Variants in ABCA1 observed in about 807,000 individuals in gnomAD.
ABCA1 encodes ATP binding cassette subfamily A member 1.
ABCA1 carries 133 observed loss-of-function variants against 262.5 expected under a neutral mutation model. The ratio of observed to expected loss-of-function variants is 0.51; its 90% CI spans 0.44 to 0.59. ABCA1 has a LOEUF of 0.59. Among genes scored for constraint, ABCA1 ranks in the 20% least tolerant of loss-of-function variants. The pLI is 0.00. For synonymous variants in ABCA1, 1,022 were observed against 1,043.5 expected, an observed-to-expected ratio of 0.98 and a Z score of 0.40; for missense variants, 2,452 against 2,777.5, an observed-to-expected ratio of 0.88 and a Z score of 2.63.
intron 1 of ABCA1, among the ~76,000 whole-genome samples, chr9:104,913,958 C>T (rs1251553257): frequency 2.7e-5 from 2 of 74,516 alleles, no homozygotes; most frequent in Non-Finnish European, 6.4e-5. Flanking sequence ...TGCCAACACG[C>T]CCGGCTAATT....
At chr9:104,890,034 G>C (rs969775732) in intron 2 of ABCA1, among the ~76,000 whole-genome samples, 1 of 152,168 alleles carries the variant, frequency 6.6e-6, no homozygotes, top group Non-Finnish European at 1.5e-5. Flanking sequence ...GGACAAGATG[G>C]AAATCACTAG....
Position 104,832,679 on chromosome 9 carries a change from G to C in ABCA1, c.1404C>G (p.Ala468=). The C allele has an allele frequency of 3.7e-6, 6 of 1,614,142 alleles. No individual in the cohort carries two copies. The highest frequency in any genetic ancestry group is 5.1e-6 in the Non-Finnish European group (6 of 1,180,024). ...TGGACTGGACATCCTCTGGGTGCTT[G>C]GCCAAAAACGCCACGATGTCTTGGG... ...WTAQDIVAFL[A]KHPEDVQSSN... is the part of the protein sequence containing the mutation. The change falls in exon 12 of 50, where the codon GCC becomes GCG. Residue 468 remains alanine (A), a synonymous_variant. Transcript: ENST00000374736.
intron 1 of ABCA1, among the ~76,000 whole-genome samples, chr9:104,926,460 ACC>A (rs1564312219): frequency 8.1e-6 from 1 of 122,768 alleles, no homozygotes; most frequent in African/African-American, 3.0e-5. Flanking sequence ...AAAAAAAAAA[ACC>A]AAAAAAACAA....
intron 11 of ABCA1, among the ~76,000 whole-genome samples, chr9:104,833,881 G>A (rs1335819767): frequency 6.6e-6 from 1 of 152,206 alleles, no homozygotes; most frequent in Non-Finnish European, 1.5e-5. Context: ...TCAATCAGCA[G>A]ATCCAGAGGG....
chr9:104,861,698 G>A lies in ABCA1; in HGVS notation c.524C>T (p.Ala175Val). 5 of 1,614,160 alleles carry A rather than the reference G, an allele frequency of 3.1e-6. No homozygotes were observed. Among genetic ancestry groups the A allele is most frequent in the Non-Finnish European group, 4.2e-6 (5 of 1,180,042 alleles). Residue 175 changes from alanine to valine, a missense_variant, in exon 6 of 50, where the codon GCT becomes GTT. Coordinates refer to ENST00000374736, the MANE Select transcript of ABCA1 (RefSeq NM_005502.4). Reference sequence around the variant, plus strand: ...GCTTACCTTGTGGAGAATGACATCAGCCCTCAGCATCTTGTCCACAGTAGA... The same window carrying A: ...GCTTACCTTGTGGAGAATGACATCAACCCTCAGCATCTTGTCCACAGTAGA... ...PKSTVDKMLR[A>V]DVILHKVFLQ...
chr9:104,821,858 TTAGG>T (rs1355300335), intron 19 of ABCA1, among the ~76,000 whole-genome samples: 2 of 152,208 alleles, frequency 1.3e-5, no homozygotes, highest in Non-Finnish European at 2.9e-5. Context: ...AATTTTTGTG[TTAGG>T]TAGTAGGATT....
At chr9:104,801,278 G>A (rs1830312317) in intron 34 of ABCA1, among the ~76,000 whole-genome samples, 1 of 152,084 alleles carries the variant, frequency 6.6e-6, no homozygotes. Flanking sequence ...GGAGTGCAGT[G>A]GTGCAATCTG....
At chr9:104,855,581 A>G in intron 7 of ABCA1, 2 of 1,209,676 alleles carry the variant, frequency 1.7e-6, no homozygotes, top group Non-Finnish European at 2.2e-6. Context: ...ATCAACTTCT[A>G]TTTATTGAGC....
intron 2 of ABCA1, 100 bp from the exon 3 acceptor site, chr9:104,889,295 T>C (rs1839498305): frequency 2.6e-6 from 4 of 1,536,024 alleles, no homozygotes; most frequent in Non-Finnish European, 3.5e-6. Context: ...CATTTACTAA[T>C]TAATCAACTT....
chr9:104,858,793 A>G, intron 6 of ABCA1, 95 bp from the exon 7 acceptor site: 3 of 1,256,446 alleles, frequency 2.4e-6, no homozygotes, highest in Non-Finnish European at 2.3e-6. Flanking sequence ...TCATATCAAT[A>G]CAGCTTTGAA....
intron 5 of ABCA1, among the ~76,000 whole-genome samples, chr9:104,868,816 C>A (rs965809898): frequency 6.6e-6 from 1 of 152,188 alleles, no homozygotes; most frequent in East Asian, 1.9e-4. Context: ...AGCCGGGGAA[C>A]CAGCTGGGAC....
At chr9:104,792,930 T>C (rs1457314301) in intron 41 of ABCA1, 24 bp from the exon 42 acceptor site, 2 of 1,613,546 alleles carry the variant, frequency 1.2e-6, no homozygotes, top group Admixed American at 3.3e-5. Context: ...ACAAGAAAAA[T>C]GAACCTTTCA....
chr9:104,796,610 T>G (rs1323889716), intron 37 of ABCA1, among the ~76,000 whole-genome samples, 186 bp from the exon 38 acceptor site: 3 of 152,226 alleles, frequency 2.0e-5, no homozygotes, highest in Admixed American at 6.5e-5. Context: ...CATTTTCCCC[T>G]TGGCTGATTT....
chr9:104,897,767 C>G (rs781194768), intron 2 of ABCA1, among the ~76,000 whole-genome samples: 5 of 152,202 alleles, frequency 3.3e-5, no homozygotes, highest in Non-Finnish European at 7.3e-5. Flanking sequence ...CCACGCCTGG[C>G]TAATTTTTGT....
chr9:104,849,991 A>C (rs1835232619), intron 7 of ABCA1, among the ~76,000 whole-genome samples: 1 of 152,244 alleles, frequency 6.6e-6, no homozygotes, highest in African/African-American at 2.4e-5. Flanking sequence ...ACTGCAAGAC[A>C]AGAGTTATCT....
chr9:104,791,117 C>A, intron 43 of ABCA1, 89 bp from the exon 44 acceptor site: 2 of 852,448 alleles, frequency 2.3e-6, no homozygotes, highest in Non-Finnish European at 4.0e-6. Context: ...ACCTTCAATT[C>A]TTAAATATCA....
intron 2 of ABCA1, among the ~76,000 whole-genome samples, chr9:104,903,346 C>G (rs903864591): frequency 6.6e-6 from 1 of 152,086 alleles, no homozygotes; most frequent in East Asian, 1.9e-4. Flanking sequence ...AGGGGCGATT[C>G]GGAGCCAGGT....
At chr9:104,793,422 A>G in intron 40 of ABCA1, 122 bp from the exon 41 acceptor site, 1 of 1,361,152 alleles carries the variant, frequency 7.3e-7, no homozygotes, top group South Asian at 1.2e-5. Flanking sequence ...AATGGCTATC[A>G]CCCATGACAA....
Position 104,804,649 on chromosome 9 carries a change from C to T in ABCA1, c.4536G>A (p.Thr1512=), listed in dbSNP as rs41277763. Residue 1512 remains threonine (T), a synonymous_variant, in exon 32 of 50, where the codon ACG becomes ACA. Coordinates refer to ENST00000374736, the MANE Select transcript of ABCA1 (RefSeq NM_005502.4). The part of the protein sequence containing the change: ...GRNISDYLVK[T]YVQIIAKSLK... ...ACCTTTTGGCTATGATCTGCACATA[C>T]GTCTTCACCAGATAATCCGAAATGT... 29 of 1,614,018 alleles carry T rather than the reference C, an allele frequency of 1.8e-5. No homozygotes were observed. In the Middle Eastern group the frequency reaches 6.6e-4, roughly 37 times the overall value.
Sources: gnomAD v4.1 joint callset for allele counts (sites outside exome capture counted in the v4.1 genomes callset) on GRCh38, gnomAD v4.1.1 for gene constraint, MANE v1.5 for transcripts, NCBI Gene and HGNC (gene_info 2026-07-23, HGNC 2026-07-21) for gene names.